OSBP2: variants seen among roughly 807,000 people sequenced by gnomAD.
OSBP2 encodes the protein oxysterol-binding protein 2.
In OSBP2, 66 loss-of-function variants were observed where a neutral mutation model predicts 96.0. The observed-to-expected ratio is 0.69, with a 90% CI of 0.56 to 0.84. The LOEUF is 0.84. Ranked by LOEUF, OSBP2 falls within the 40% of genes least tolerant of loss-of-function variation. OSBP2 has a pLI of 0.00. For missense variants in OSBP2, 1,038 were observed against 1,222.7 expected (o/e 0.85, Z 2.25); for synonymous variants, 525 against 520.9 (o/e 1.01, Z -0.11).
At chr22:30,879,234 G>A (rs1458862196) in intron 3 of OSBP2, among the ~76,000 whole-genome samples, 1 of 152,232 alleles carries the variant, frequency 6.6e-6, no homozygotes, top group Non-Finnish European at 1.5e-5. Flanking sequence ...TTTCTGCCCA[G>A]CTGACCACCG....
chr22:30,835,035 G>A (rs1023415019), intron 2 of OSBP2, among the ~76,000 whole-genome samples: 4 of 151,904 alleles, frequency 2.6e-5, no homozygotes, highest in African/African-American at 7.3e-5. Context: ...AGGTGGTCTC[G>A]AACTTCTGAC....
At chr22:30,820,265 A>G (rs1228572481) in intron 2 of OSBP2, among the ~76,000 whole-genome samples, 1 of 151,946 alleles carries the variant, frequency 6.6e-6, no homozygotes, top group East Asian at 1.9e-4. Context: ...GGTGTGCCCC[A>G]GTAGTCCCAG....
In OSBP2 at chr22:30,778,714, C is replaced by T. The variant is rs764771394; in HGVS notation, c.853+37345C>T. ...AAGGCAAAAGATACCCACTGCAGTA[C>T]GAGATGAAAACATTAGAAGTTCTAT... On this transcript the variant is annotated intron_variant, in intron 2 of 13. Transcript: ENST00000332585. Among the ~76,000 whole-genome samples, 11 of 151,972 alleles carry T rather than the reference C, an allele frequency of 7.2e-5. No individual in the cohort carries two copies. The East Asian group carries it at 1.4e-3, about 19-fold the overall frequency.
At chr22:30,815,039 T>C (rs1024927877) in intron 2 of OSBP2, among the ~76,000 whole-genome samples, 12 of 151,670 alleles carry the variant, frequency 7.9e-5, no homozygotes, top group African/African-American at 2.4e-4. Flanking sequence ...CCCAGCACTT[T>C]GGGAGGCCAA....
chr22:30,840,053 TC>T (rs2038715902), intron 2 of OSBP2, among the ~76,000 whole-genome samples: 2 of 150,318 alleles, frequency 1.3e-5, no homozygotes, highest in Admixed American at 1.3e-4. Context: ...GTTTCAGCTT[TC>T]TTTTTTTTTT....
chr22:30,762,760 G>T (rs773458112), intron 2 of OSBP2, among the ~76,000 whole-genome samples: 1 of 152,164 alleles, frequency 6.6e-6, no homozygotes, highest in Non-Finnish European at 1.5e-5. Context: ...GGCCATTCAG[G>T]AAAGCCTTCT....
chr22:30,694,350 G>A (rs931166244), upstream of OSBP2: 3 of 1,534,282 alleles, frequency 2.0e-6, no homozygotes, highest in African/African-American at 1.4e-5. Flanking sequence ...GACAGGTAAT[G>A]GCTGCCATGG....
In OSBP2 at chr22:30,715,002, A is replaced by G. The variant is rs188366500; in HGVS notation, c.644+19449A>G. 2.6e-5 allele frequency among the ~76,000 whole-genome samples: 4 copies of G among 152,162 alleles called. No individual in the cohort carries two copies. In the East Asian group the frequency reaches 7.7e-4, roughly 29 times the overall value. On this transcript the variant is annotated intron_variant, in intron 1 of 13. Transcript: ENST00000332585. ...ATTTTTAATTTTTTTAGGAATCTCCATACTGTTTTCTGTAGTGATTATACC... is the reference window on the plus strand; with the variant it reads ...ATTTTTAATTTTTTTAGGAATCTCCGTACTGTTTTCTGTAGTGATTATACC...
intron 1 of OSBP2, among the ~76,000 whole-genome samples, chr22:30,713,638 A>G (rs2089397231): frequency 6.6e-6 from 1 of 151,776 alleles, no homozygotes; most frequent in South Asian, 2.1e-4. Flanking sequence ...GTTTTAAACA[A>G]TTATTTTAGA....
intron 1 of OSBP2, among the ~76,000 whole-genome samples, chr22:30,720,202 C>A (rs919329522): frequency 6.6e-6 from 1 of 152,160 alleles, no homozygotes; most frequent in Non-Finnish European, 1.5e-5. Flanking sequence ...TAACAAATCA[C>A]CTTGAAATTT....
intron 2 of OSBP2, among the ~76,000 whole-genome samples, chr22:30,851,830 T>C (rs2038983887): frequency 6.6e-6 from 1 of 152,168 alleles, no homozygotes; most frequent in South Asian, 2.1e-4. Context: ...AGGAAGTTCC[T>C]CCTTCTTCCT....
chr22:30,877,011 G>C (rs945554699), intron 3 of OSBP2, among the ~76,000 whole-genome samples: 3 of 152,122 alleles, frequency 2.0e-5, no homozygotes, highest in African/African-American at 7.2e-5. Context: ...CAGGCCTGCA[G>C]AGTCTCAGAG....
At chr22:30,728,408 A>T (rs919583469) in intron 1 of OSBP2, among the ~76,000 whole-genome samples, 2 of 151,688 alleles carry the variant, frequency 1.3e-5, no homozygotes, top group African/African-American at 4.8e-5. Context: ...AAAAAAAAAA[A>T]AATACAAAAA....
chr22:30,722,056 A>G (rs561341113), intron 1 of OSBP2, among the ~76,000 whole-genome samples: 2 of 152,238 alleles, frequency 1.3e-5, no homozygotes, highest in African/African-American at 4.8e-5. Flanking sequence ...GAGGATCTGG[A>G]TGTATAGGCC....
At chr22:30,837,854 G>A (rs1007347968) in intron 2 of OSBP2, among the ~76,000 whole-genome samples, 1 of 152,114 alleles carries the variant, frequency 6.6e-6, no homozygotes, top group African/African-American at 2.4e-5. Context: ...TTACACATTG[G>A]TTGGGCATGT....
chr22:30,784,689 T>C (rs2090563506), intron 2 of OSBP2, among the ~76,000 whole-genome samples: 1 of 152,254 alleles, frequency 6.6e-6, no homozygotes, highest in Admixed American at 6.5e-5. Flanking sequence ...TTTTGAATAC[T>C]CGTCTTCACT....
chr22:30,717,086 G>GT (rs144392805), intron 1 of OSBP2, among the ~76,000 whole-genome samples: 2,122 of 96,528 alleles, frequency 0.022, 169 homozygotes, highest in African/African-American at 0.081. Context: ...TAATTTTACT[G>GT]TTTTTGTGTG....
chr22:30,899,432 C>T (rs1160693002), intron 12 of OSBP2, among the ~76,000 whole-genome samples: 1 of 150,414 alleles, frequency 6.6e-6, no homozygotes, highest in Non-Finnish European at 1.5e-5. Flanking sequence ...AAAGAACTGA[C>T]TCTAGAAGAA....
At chr22:30,866,840 GA>G (rs546404537) in intron 2 of OSBP2, among the ~76,000 whole-genome samples, 4 of 152,336 alleles carry the variant, frequency 2.6e-5, no homozygotes, top group Admixed American at 1.3e-4. Flanking sequence ...AAAATGACAG[GA>G]AATCATTCTC....
Sources: gnomAD v4.1 joint callset for allele counts (sites outside exome capture counted in the v4.1 genomes callset) on GRCh38, gnomAD v4.1.1 for gene constraint, MANE v1.5 for transcripts, NCBI Gene and HGNC (gene_info 2026-07-23, HGNC 2026-07-21) for gene names.